The following OSBPL6 variants were observed in gnomAD, a reference collection of about 807,000 sequenced individuals.
OSBPL6 encodes oxysterol-binding protein-related protein 6.
A neutral mutation model predicts 125.8 loss-of-function variants in OSBPL6; 49 were observed. That is an observed-to-expected ratio of 0.39 (90% confidence interval 0.31 to 0.49). OSBPL6 has a LOEUF of 0.49. OSBPL6 is among the 20% of genes least tolerant of loss of function. OSBPL6 has a pLI of 0.88. For missense variants in OSBPL6, 986 were observed against 1,135.4 expected (o/e 0.87, Z 1.89); for synonymous variants, 394 against 391.8 (o/e 1.01, Z -0.07).
intron 9 of OSBPL6, among the ~76,000 whole-genome samples, chr2:178,337,892 T>C (rs1294923579): frequency 6.6e-6 from 1 of 151,812 alleles, no homozygotes; most frequent in East Asian, 1.9e-4. Context: ...GATAGAAAGC[T>C]CAAAATGAAA....
Position 178,389,023 on chromosome 2 carries a change from A to G in OSBPL6, c.2171A>G (p.Tyr724Cys), listed in dbSNP as rs1695181636. 1 of 1,613,900 alleles carries G rather than the reference A, an allele frequency of 6.2e-7. No homozygotes were observed. The highest frequency in any genetic ancestry group is 8.5e-7 in the Non-Finnish European group (1 of 1,179,950). ...TTCTTCACTAGGTATGGAGATTACT[A>G]TGTGTGGAATAAAGTCACCACTTGC... ...NVMLPKYGDYYVWNKVTTCIH... is the reference protein window; with the variant it reads ...NVMLPKYGDYCVWNKVTTCIH... Residue 724 changes from tyrosine (Y) to cysteine (C), a missense_variant, in exon 21 of 25, where the codon TAT becomes TGT. Transcript: ENST00000190611.
intron 2 of OSBPL6, among the ~76,000 whole-genome samples, chr2:178,291,198 A>G (rs537831583): frequency 5.7e-4 from 86 of 151,974 alleles, no homozygotes; most frequent in Non-Finnish European, 1.1e-3. Context: ...CCCCAACTCC[A>G]TTTTTAGTAT....
At position 178,330,706 on chromosome 2, in the gene OSBPL6, C is replaced by T. The variant is rs1280532432; in HGVS notation, c.319-846C>T. On this transcript the variant is annotated intron_variant, in intron 5 of 24. Transcript: ENST00000190611. ...AGGTCCCAAATCACATAAAAACTTACCAGCAGAGTAATTTGCCAGGAACAG... is the reference window on the plus strand; with the variant it reads ...AGGTCCCAAATCACATAAAAACTTATCAGCAGAGTAATTTGCCAGGAACAG... 2.0e-5 allele frequency among the ~76,000 whole-genome samples: 3 copies of T among 152,160 alleles called. No homozygotes were observed. In the South Asian group the frequency reaches 6.2e-4, roughly 32 times the overall value.
At chr2:178,360,374 G>C (rs763136432) in intron 12 of OSBPL6, among the ~76,000 whole-genome samples, 12 of 151,884 alleles carry the variant, frequency 7.9e-5, no homozygotes, top group Non-Finnish European at 1.6e-4. Flanking sequence ...ACAGCGCGGT[G>C]GGGGGGCGGG....
intron 1 of OSBPL6, among the ~76,000 whole-genome samples, chr2:178,227,714 CTA>C (rs1212016119): frequency 6.6e-6 from 1 of 152,096 alleles, no homozygotes; most frequent in African/African-American, 2.4e-5. Context: ...GTGCCCTTTT[CTA>C]TAAGTTTAAG....
chr2:178,360,245 A>T (rs965766983), intron 12 of OSBPL6, among the ~76,000 whole-genome samples: 13 of 152,236 alleles, frequency 8.5e-5, no homozygotes, highest in African/African-American at 2.7e-4. Context: ...GACACAAAGT[A>T]GCAAATGTGT....
chr2:178,284,359 C>G (rs1684498123), intron 1 of OSBPL6, among the ~76,000 whole-genome samples: 1 of 152,138 alleles, frequency 6.6e-6, no homozygotes, highest in South Asian at 2.1e-4. Flanking sequence ...TCGAGACCAG[C>G]CTGGCCAACA....
chr2:178,237,078 GATAA>G (rs2091082164), intron 1 of OSBPL6, among the ~76,000 whole-genome samples: 1 of 152,122 alleles, frequency 6.6e-6, no homozygotes, highest in Non-Finnish European at 1.5e-5. Context: ...TTACTCTGGG[GATAA>G]ATAACTTTTT....
intron 3 of OSBPL6, among the ~76,000 whole-genome samples, chr2:178,310,642 C>A (rs138482202): frequency 2.6e-5 from 4 of 152,014 alleles, no homozygotes; most frequent in African/African-American, 4.8e-5. Flanking sequence ...TGGTCTCGAT[C>A]TCCTGACCTC....
chr2:178,289,240 A>T (rs984059341), intron 2 of OSBPL6, among the ~76,000 whole-genome samples: 2 of 149,878 alleles, frequency 1.3e-5, no homozygotes, highest in Non-Finnish European at 3.0e-5. Flanking sequence ...CTGGTCTCAA[A>T]GTCGTGACCT....
chr2:178,194,929 G>C (rs961542738), intron 1 of OSBPL6, among the ~76,000 whole-genome samples: 1 of 152,122 alleles, frequency 6.6e-6, no homozygotes, highest in African/African-American at 2.4e-5. Context: ...TCTGTATCGC[G>C]GTCCCGGTTT....
At chr2:178,238,733 T>C (rs1342487512) in intron 1 of OSBPL6, among the ~76,000 whole-genome samples, 1 of 152,194 alleles carries the variant, frequency 6.6e-6, no homozygotes, top group East Asian at 1.9e-4. Context: ...ATGAACAATG[T>C]TCCTACTGAT....
intron 1 of OSBPL6, among the ~76,000 whole-genome samples, chr2:178,266,687 A>G (rs2092243101): frequency 6.6e-6 from 1 of 152,230 alleles, no homozygotes; most frequent in African/African-American, 2.4e-5. Flanking sequence ...CTCCAGTGAT[A>G]ACAGGTGGCT....
intron 1 of OSBPL6, among the ~76,000 whole-genome samples, chr2:178,252,533 A>G (rs2091733642): frequency 6.6e-6 from 1 of 152,054 alleles, no homozygotes; most frequent in Non-Finnish European, 1.5e-5. Context: ...GGGTAAAACA[A>G]AAAAAATAGG....
chr2:178,395,448 C>G lies in OSBPL6; in HGVS notation c.2697-3C>G. On this transcript the variant is annotated splice_region_variant and splice_polypyrimidine_tract_variant and intron_variant, in intron 24 of 24. Transcript: ENST00000190611. ...ACTAATGTTGATGTTTATATTTTCA[C>G]AGAAAAGTTATTGATGCCAATCAAA... The G allele has an allele frequency of 1.2e-6, 2 of 1,608,270 alleles. No homozygotes were observed. The highest frequency in any genetic ancestry group is 1.7e-6 in the Non-Finnish European group (2 of 1,175,530).
At chr2:178,238,700 A>C (rs551959103) in intron 1 of OSBPL6, among the ~76,000 whole-genome samples, 1 of 152,202 alleles carries the variant, frequency 6.6e-6, no homozygotes, top group African/African-American at 2.4e-5. Context: ...CAGAAAAGGC[A>C]TTAAGGTTGT....
At chr2:178,350,426 T>A (rs1368906) in intron 12 of OSBPL6, among the ~76,000 whole-genome samples, 46,581 of 152,048 alleles carry the variant, frequency 0.31, 8,745 homozygotes, top group East Asian at 0.47. Flanking sequence ...ATAGAACACC[T>A]CAGGTGCCTC....
chr2:178,305,282 T>C (rs1440126902), intron 2 of OSBPL6, among the ~76,000 whole-genome samples: 1 of 152,230 alleles, frequency 6.6e-6, no homozygotes, highest in Non-Finnish European at 1.5e-5. Flanking sequence ...ATAGCTGTGT[T>C]GGAGACAAGG....
chr2:178,291,407 A>T (rs772918481), intron 2 of OSBPL6, among the ~76,000 whole-genome samples: 6 of 152,200 alleles, frequency 3.9e-5, no homozygotes, highest in Non-Finnish European at 7.3e-5. Context: ...ATCATCATGC[A>T]GGTCCAGAAA....
Sources: allele counts gnomAD v4.1 joint callset (sites outside exome capture counted in the v4.1 genomes callset), GRCh38; gene constraint gnomAD v4.1.1; transcripts MANE v1.5; gene names NCBI Gene and HGNC (gene_info 2026-07-23, HGNC 2026-07-21).